Variants in CADM2 observed in about 807,000 individuals in gnomAD.
CADM2 encodes the protein immunoglobulin superfamily member 4D.
A neutral mutation model predicts 49.8 loss-of-function variants in CADM2; 12 were observed. The ratio of observed to expected loss-of-function variants is 0.24; its 90% CI spans 0.15 to 0.39. The LOEUF (loss-of-function observed/expected upper bound fraction) is 0.39. CADM2 is among the 10% of genes least tolerant of loss of function. The pLI, the probability that CADM2 is intolerant of heterozygous loss-of-function variation, is 1.00. For missense variants in CADM2, 378 were observed against 492.3 expected (o/e 0.77, Z 2.20); for synonymous variants, 214 against 175.4 (o/e 1.22, Z -1.74).
chr3:85,400,677 G>A (rs1410378597), intron 1 of CADM2, among the ~76,000 whole-genome samples: 1 of 151,026 alleles, frequency 6.6e-6, no homozygotes, highest in Non-Finnish European at 1.5e-5. Flanking sequence ...TTTATTCTTG[G>A]GAGGGTGTAT....
intron 1 of CADM2, among the ~76,000 whole-genome samples, chr3:85,185,404 A>G (rs2041036754): frequency 6.6e-6 from 1 of 152,142 alleles, no homozygotes; most frequent in South Asian, 2.1e-4. Flanking sequence ...CTTTTGTATT[A>G]TCTAAAGCAG....
intron 8 of CADM2, among the ~76,000 whole-genome samples, chr3:85,965,541 G>A (rs921836836): frequency 2.6e-5 from 4 of 151,328 alleles, no homozygotes; most frequent in South Asian, 4.2e-4. Context: ...GAAAGCTACC[G>A]GAACATAAAT....
At chr3:85,661,933 G>A (rs1236027959) in intron 1 of CADM2, among the ~76,000 whole-genome samples, 1 of 151,972 alleles carries the variant, frequency 6.6e-6, no homozygotes. Context: ...AAAGCAAGAT[G>A]CCATTGTATG....
intron 1 of CADM2, among the ~76,000 whole-genome samples, chr3:85,691,568 C>G (rs190665209): frequency 1.3e-5 from 2 of 152,032 alleles, no homozygotes; most frequent in African/African-American, 4.8e-5. Flanking sequence ...TCAGTGTGGC[C>G]ATTCCTCAGG....
intron 8 of CADM2, among the ~76,000 whole-genome samples, chr3:86,016,321 T>A (rs78126183): frequency 0.027 from 4,156 of 152,212 alleles, 182 homozygotes; most frequent in African/African-American, 0.095. Context: ...CTAATAAGCA[T>A]CTTGCATATG....
intron 1 of CADM2, among the ~76,000 whole-genome samples, chr3:85,439,224 A>C (rs2037074228): frequency 6.7e-6 from 1 of 149,754 alleles, no homozygotes; most frequent in Admixed American, 6.7e-5. Context: ...AGCAATTTGA[A>C]CTCACCGCAA....
intron 1 of CADM2, among the ~76,000 whole-genome samples, chr3:84,998,713 T>A (rs1377803895): frequency 6.6e-6 from 1 of 152,088 alleles, no homozygotes; most frequent in East Asian, 1.9e-4. Flanking sequence ...AGCTTGGACG[T>A]TTCCAGGAAT....
intron 7 of CADM2, among the ~76,000 whole-genome samples, chr3:85,958,671 G>A (rs1724384233): frequency 1.3e-5 from 2 of 151,944 alleles, no homozygotes; most frequent in South Asian, 4.1e-4. Context: ...ATGATAGACT[G>A]GATGAGGAAA....
intron 7 of CADM2, among the ~76,000 whole-genome samples, chr3:85,944,799 G>C (rs1270505524): frequency 2.6e-5 from 4 of 151,876 alleles, no homozygotes; most frequent in Non-Finnish European, 5.9e-5. Context: ...GAAATTTATA[G>C]CACTAAAGGC....
intron 1 of CADM2, among the ~76,000 whole-genome samples, chr3:85,644,046 C>A (rs934398508): frequency 2.8e-4 from 43 of 152,020 alleles, no homozygotes; most frequent in African/African-American, 1.0e-3. Context: ...GTGAGTATAC[C>A]CATGCATTAC....
chr3:85,653,585 A>T (rs145866982), intron 1 of CADM2, among the ~76,000 whole-genome samples: 268 of 152,136 alleles, frequency 1.8e-3, no homozygotes, highest in African/African-American at 6.0e-3. Context: ...AGATTTTTAC[A>T]ATTTAAATTT....
intron 1 of CADM2, among the ~76,000 whole-genome samples, chr3:85,577,235 T>TC (rs2062656597): frequency 6.6e-6 from 1 of 152,158 alleles, no homozygotes; most frequent in South Asian, 2.1e-4. Flanking sequence ...TTTGAACGTG[T>TC]CCCCCGGAGT....
chr3:84,991,949 A>G (rs2032914371), intron 1 of CADM2, among the ~76,000 whole-genome samples: 1 of 152,198 alleles, frequency 6.6e-6, no homozygotes, highest in Admixed American at 6.5e-5. Flanking sequence ...GAAAAGGTAA[A>G]ACCATGGAGA....
At chr3:85,500,836 T>C (rs973450680) in intron 1 of CADM2, among the ~76,000 whole-genome samples, 2 of 152,106 alleles carry the variant, frequency 1.3e-5, no homozygotes, top group African/African-American at 2.4e-5. Context: ...TTACTTGATG[T>C]GAACACTTCC....
chr3:85,423,060 T>C (rs1253857271), intron 1 of CADM2, among the ~76,000 whole-genome samples: 7 of 152,046 alleles, frequency 4.6e-5, no homozygotes, highest in Non-Finnish European at 7.4e-5. Flanking sequence ...GGAGGTGGCT[T>C]TCAGCAGGAT....
intron 5 of CADM2, among the ~76,000 whole-genome samples, chr3:85,898,957 T>TATATATATATATA (rs57854096): frequency 1.8e-4 from 5 of 28,486 alleles, no homozygotes; most frequent in Non-Finnish European, 2.4e-4. Flanking sequence ...ATATATATAT[T>TATATATATATATA]TTTTTTTTTT....
intron 8 of CADM2, among the ~76,000 whole-genome samples, chr3:86,051,981 G>T (rs1737398651): frequency 6.6e-6 from 1 of 151,938 alleles, no homozygotes; most frequent in African/African-American, 2.4e-5. Context: ...AAAAAACTTT[G>T]TTATTTGTTA....
At chr3:85,220,957 G>A (rs943058133) in intron 1 of CADM2, among the ~76,000 whole-genome samples, 2 of 152,074 alleles carry the variant, frequency 1.3e-5, no homozygotes, top group Non-Finnish European at 1.5e-5. Context: ...AAATTATAGC[G>A]GTCTGAAATT....
At chr3:85,912,819 G>A (rs568132460) in intron 6 of CADM2, among the ~76,000 whole-genome samples, 1 of 152,046 alleles carries the variant, frequency 6.6e-6, no homozygotes, top group Non-Finnish European at 1.5e-5. Context: ...ACGTAAGGGT[G>A]GGGGAGAAAA....
Sources: allele counts gnomAD v4.1 joint callset (sites outside exome capture counted in the v4.1 genomes callset), GRCh38; gene constraint gnomAD v4.1.1; transcripts MANE v1.5; gene names NCBI Gene and HGNC (gene_info 2026-07-23, HGNC 2026-07-21).